SPATA9: variants seen among roughly 807,000 people sequenced by gnomAD.
SPATA9 encodes the protein spermatogenesis associated 9.
In SPATA9, 27 loss-of-function variants were observed where a neutral mutation model predicts 25.5. The ratio of observed to expected loss-of-function variants is 1.06; its 90% CI spans 0.78 to 1.46. The LOEUF (loss-of-function observed/expected upper bound fraction) is 1.46, where lower values mean the gene tolerates loss of function less well. SPATA9 is among the 40% of genes most tolerant of loss of function. The pLI, the probability that SPATA9 is intolerant of heterozygous loss-of-function variation, is 0.00. For synonymous variants in SPATA9, 102 were observed against 105.7 expected (o/e 0.97, Z 0.21); for missense variants, 282 against 297.5 (o/e 0.95, Z 0.38).
At chr5:95,723,082 A>G in the SPATA9 span, among the ~76,000 whole-genome samples, 1 of 152,218 alleles carries the variant, frequency 6.6e-6, no homozygotes, top group Non-Finnish European at 1.5e-5. Context: ...TCACATGTAC[A>G]TAACATTCTA....
upstream of SPATA9, among the ~76,000 whole-genome samples, chr5:95,685,003 A>G (rs1053550175): frequency 2.0e-5 from 3 of 152,242 alleles, no homozygotes; most frequent in Admixed American, 6.5e-5. Flanking sequence ...ACATAATCAC[A>G]TATAGACAGT....
the SPATA9 span, among the ~76,000 whole-genome samples, chr5:95,723,802 T>C: frequency 6.6e-6 from 1 of 152,328 alleles, no homozygotes; most frequent in Non-Finnish European, 1.5e-5. Context: ...CCAGCTTCAC[T>C]GTGCTGTCTC....
chr5:95,731,442 G>A, the SPATA9 span: 49 of 1,204,316 alleles, frequency 4.1e-5, no homozygotes, highest in Admixed American at 4.1e-4. Flanking sequence ...CGATGTTCCC[G>A]GGCACTCCCT....
At chr5:95,680,168 G>A (rs899185249) in intron 2 of SPATA9, among the ~76,000 whole-genome samples, 46 of 152,334 alleles carry the variant, frequency 3.0e-4, no homozygotes, top group Non-Finnish European at 5.3e-4. Flanking sequence ...AAAGTGCTGG[G>A]ATTACAGGCC....
At chr5:95,669,988 C>A (rs1752214866) in intron 3 of SPATA9, among the ~76,000 whole-genome samples, 1 of 152,124 alleles carries the variant, frequency 6.6e-6, no homozygotes, top group South Asian at 2.1e-4. Flanking sequence ...TACAAAAGAA[C>A]CCTCTTCTAA....
chr5:95,655,955 T>A, downstream of SPATA9: 1 of 1,256,912 alleles, frequency 8.0e-7, no homozygotes, highest in Admixed American at 2.3e-5. Context: ...TAACCTGTTT[T>A]TTTAACCTGG....
chr5:95,702,653 A>G (rs1223134645), upstream of SPATA9, among the ~76,000 whole-genome samples: 1 of 152,160 alleles, frequency 6.6e-6, no homozygotes, highest in African/African-American at 2.4e-5. Flanking sequence ...ATGCAGGACC[A>G]CCACTAGAGA....
At chr5:95,728,299 A>G in the SPATA9 span, among the ~76,000 whole-genome samples, 1 of 152,148 alleles carries the variant, frequency 6.6e-6, no homozygotes, top group Non-Finnish European at 1.5e-5. Flanking sequence ...TGCCAGCACT[A>G]ACTTCATCTC....
At chr5:95,680,706 C>T (rs1470732120) in intron 2 of SPATA9, among the ~76,000 whole-genome samples, 1 of 152,186 alleles carries the variant, frequency 6.6e-6, no homozygotes, top group East Asian at 1.9e-4. Flanking sequence ...TATAACAACA[C>T]ACTATACACT....
At chr5:95,676,436 TCTCCATTTGAGCTCTA>T (rs1377969297) in intron 2 of SPATA9, among the ~76,000 whole-genome samples, 2 of 152,206 alleles carry the variant, frequency 1.3e-5, no homozygotes, top group East Asian at 3.8e-4. Flanking sequence ...TTAACTGATT[TCTCCATTTGAGCTCTA>T]CTCTTTAAAT....
chr5:95,658,791 C>T lies in SPATA9; in HGVS notation c.597G>A (p.Ser199=), dbSNP rs1203697259. Residue 199 remains serine, a synonymous_variant, in exon 5 of 5, where the codon TCG becomes TCA. Coordinates refer to ENST00000274432, the MANE Select transcript of SPATA9 (RefSeq NM_031952.4). ...CRKAFSEPVL[S]EPMFAEGEIK... ...TTTCACCTTCAGCAAACATAGGCTCCGAAAGCACAGGCTCAGAAAAGGCTT... is the reference window on the plus strand; with the variant it reads ...TTTCACCTTCAGCAAACATAGGCTCTGAAAGCACAGGCTCAGAAAAGGCTT... 1.2e-5 allele frequency: 19 copies of T among 1,613,764 alleles called. No individual in the cohort carries two copies. Among genetic ancestry groups the T allele is most frequent in the South Asian group, 4.4e-5 (4 of 91,058 alleles).
intron 1 of SPATA9, among the ~76,000 whole-genome samples, chr5:95,692,964 C>A (rs2112707748): frequency 6.6e-6 from 1 of 152,210 alleles, no homozygotes; most frequent in South Asian, 2.1e-4. Flanking sequence ...TTATTCAATT[C>A]TTTTATAGCC....
chr5:95,691,064 A>C (rs1388693512), intron 1 of SPATA9, among the ~76,000 whole-genome samples: 1 of 152,068 alleles, frequency 6.6e-6, no homozygotes, highest in Admixed American at 6.5e-5. Context: ...AAAATACAAA[A>C]AATTAGCTGG....
chr5:95,711,232 G>T, the SPATA9 span, among the ~76,000 whole-genome samples: 1 of 152,148 alleles, frequency 6.6e-6, no homozygotes, highest in East Asian at 1.9e-4. Flanking sequence ...TTCTCAAGGA[G>T]GTCTCTAGCT....
At chr5:95,688,500 C>T (rs1753802699) in intron 1 of SPATA9, among the ~76,000 whole-genome samples, 1 of 152,138 alleles carries the variant, frequency 6.6e-6, no homozygotes, top group African/African-American at 2.4e-5. Context: ...AGTCCTCCCA[C>T]CTTGGTCTCC....
At chr5:95,675,661 A>G in intron 2 of SPATA9, 22 bp from the exon 3 acceptor site, 8 of 1,603,930 alleles carry the variant, frequency 5.0e-6, no homozygotes, top group Non-Finnish European at 6.0e-6. Flanking sequence ...GCCTTTGAAA[A>G]GTAACTGATG....
the SPATA9 span, among the ~76,000 whole-genome samples, chr5:95,707,445 G>A: frequency 6.6e-6 from 1 of 152,040 alleles, no homozygotes; most frequent in Non-Finnish European, 1.5e-5. Flanking sequence ...CGGCCCCGAG[G>A]AAGGGGCTTG....
chr5:95,675,348 C>T, intron 3 of SPATA9, 64 bp downstream of exon 3: 1 of 1,347,774 alleles, frequency 7.4e-7, no homozygotes, highest in Non-Finnish European at 1.0e-6. Flanking sequence ...TTTTATTTTT[C>T]AAGTTTTGCA....
chr5:95,718,661 A>G, the SPATA9 span, among the ~76,000 whole-genome samples: 4 of 152,368 alleles, frequency 2.6e-5, no homozygotes, highest in African/African-American at 7.2e-5. Context: ...GATTTTCTAC[A>G]GCAATATTTT....
Sources: gnomAD v4.1 joint callset for allele counts (sites outside exome capture counted in the v4.1 genomes callset) on GRCh38, gnomAD v4.1.1 for gene constraint, MANE v1.5 for transcripts, NCBI Gene and HGNC (gene_info 2026-07-23, HGNC 2026-07-21) for gene names.